SLC13A4: variants seen among roughly 807,000 people sequenced by gnomAD.
SLC13A4 encodes solute carrier family 13 member 4.
SLC13A4 carries 28 observed loss-of-function variants against 72.7 expected under a neutral mutation model. That is an observed-to-expected ratio of 0.39 (90% CI 0.29 to 0.53). The LOEUF (loss-of-function observed/expected upper bound fraction) is 0.53, where lower values mean the gene tolerates loss of function less well. SLC13A4 is among the 20% of genes least tolerant of loss of function. The probability of loss-of-function intolerance (pLI) is 0.78; values close to 1 mark genes in which losing one functional copy is unlikely to be tolerated. For synonymous variants in SLC13A4, 312 were observed against 325.5 expected, an observed-to-expected ratio of 0.96 and a Z score of 0.45; for missense variants, 653 against 788.0, an observed-to-expected ratio of 0.83 and a Z score of 2.05.
intron 1 of SLC13A4, among the ~76,000 whole-genome samples, chr7:135,724,340 C>G (rs1796606421): frequency 6.6e-6 from 1 of 151,696 alleles, no homozygotes; most frequent in African/African-American, 2.4e-5. Flanking sequence ...ATTAAAAATA[C>G]AAAAAATTCA....
At chr7:135,722,273 C>CA (rs572072157) in intron 1 of SLC13A4, among the ~76,000 whole-genome samples, 3 of 151,196 alleles carry the variant, frequency 2.0e-5, no homozygotes, top group Non-Finnish European at 2.9e-5. Flanking sequence ...AGCAAACAAA[C>CA]AAAAAAAACA....
chr7:135,703,798 TAAG>T (rs1192540883), intron 5 of SLC13A4: 1 of 152,266 alleles, frequency 6.6e-6, no homozygotes, highest in East Asian at 1.9e-4. Context: ...CAGGGAAGGA[TAAG>T]AAGCTGACAG....
At chr7:135,689,645 A>G (rs1795729764) in intron 13 of SLC13A4, among the ~76,000 whole-genome samples, 1 of 152,150 alleles carries the variant, frequency 6.6e-6, no homozygotes, top group South Asian at 2.1e-4. Flanking sequence ...GTCCCAGAGA[A>G]CAGAGCTAGA....
chr7:135,700,395 G>C (rs1178782477), intron 7 of SLC13A4, among the ~76,000 whole-genome samples: 1 of 152,084 alleles, frequency 6.6e-6, no homozygotes, highest in East Asian at 1.9e-4. Context: ...GAAAGTCCTG[G>C]TGCAATTGTC....
intron 8 of SLC13A4, among the ~76,000 whole-genome samples, chr7:135,696,413 A>C (rs1454968685): frequency 6.6e-6 from 1 of 151,780 alleles, no homozygotes; most frequent in Non-Finnish European, 1.5e-5. Flanking sequence ...CAGTGGTATG[A>C]TCTCAGCTCA....
intron 10 of SLC13A4, 24 bp from the exon 11 acceptor site, chr7:135,692,448 C>T (rs1287493778): frequency 6.6e-7 from 1 of 1,525,172 alleles, no homozygotes; most frequent in South Asian, 1.2e-5. Context: ...CAGAAAGACC[C>T]ACTCAGGAAC....
chr7:135,712,490 T>C (rs1338048267), intron 2 of SLC13A4, among the ~76,000 whole-genome samples: 1 of 144,100 alleles, frequency 6.9e-6, no homozygotes, highest in South Asian at 2.2e-4. Flanking sequence ...GGAAGGAAGG[T>C]TATGTGAGTC....
At chr7:135,687,525 C>T (rs1190562459) in intron 13 of SLC13A4, among the ~76,000 whole-genome samples, 4 of 152,228 alleles carry the variant, frequency 2.6e-5, no homozygotes, top group Non-Finnish European at 4.4e-5. Context: ...AGAATTCTCT[C>T]TGTTGTAGCC....
chr7:135,726,997 G>C (rs986229338), intron 1 of SLC13A4, among the ~76,000 whole-genome samples: 13 of 152,158 alleles, frequency 8.5e-5, no homozygotes, highest in Non-Finnish European at 1.8e-4. Flanking sequence ...AGCTCTTTCT[G>C]TGTCTCCAGG....
At chr7:135,696,958 ATT>A (rs1477442113) in intron 8 of SLC13A4, among the ~76,000 whole-genome samples, 1 of 152,044 alleles carries the variant, frequency 6.6e-6, no homozygotes, top group Non-Finnish European at 1.5e-5. Flanking sequence ...GCTGTCTGAT[ATT>A]GTTTCCTTCT....
At chr7:135,683,630 G>A (rs1299275787) in intron 15 of SLC13A4, 10 of 985,292 alleles carry the variant, frequency 1.0e-5, no homozygotes, top group Non-Finnish European at 1.1e-5. Context: ...AATGGTGGAC[G>A]CTTCATTTTC....
At chr7:135,691,699 A>T in intron 11 of SLC13A4, 54 bp from the exon 12 acceptor site, 1 of 1,260,536 alleles carries the variant, frequency 7.9e-7, no homozygotes, top group Admixed American at 1.8e-5. Context: ...TTCAGGAGTA[A>T]CATGATGTCT....
Position 135,685,686 on chromosome 7 carries a change from G to A in SLC13A4, c.1447-3C>T, listed in dbSNP as rs1469628118. 6.2e-7 allele frequency: 1 copy of A among 1,611,072 alleles called. No individual in the cohort carries two copies. The highest frequency in any genetic ancestry group is 8.5e-7 in the Non-Finnish European group (1 of 1,177,482). ...ATCCATGTAGAGAGGCCAGAGCTCT[G>A]TAGGAAGAGGTGTTACAGTAAGAAG... On this transcript the variant is annotated splice_region_variant and splice_polypyrimidine_tract_variant and intron_variant, in intron 13 of 15. Coordinates refer to ENST00000682651, the MANE Select transcript of SLC13A4 (RefSeq NM_001318192.2).
intron 3 of SLC13A4, chr7:135,707,497 G>A (rs1409176632): frequency 1.3e-5 from 2 of 152,196 alleles, no homozygotes; most frequent in African/African-American, 2.4e-5. Context: ...ATAAAATACA[G>A]CAAGAAAGTT....
intron 15 of SLC13A4, 73 bp downstream of exon 15, chr7:135,684,051 A>G (rs1795564790): frequency 6.8e-7 from 1 of 1,470,932 alleles, no homozygotes; most frequent in African/African-American, 1.4e-5. Context: ...TAAGCTTTGA[A>G]AGAAGGCTGC....
intron 2 of SLC13A4, among the ~76,000 whole-genome samples, chr7:135,714,905 C>T (rs961419290): frequency 3.9e-5 from 6 of 152,192 alleles, no homozygotes; most frequent in Non-Finnish European, 5.9e-5. Context: ...GACACCAGCC[C>T]GAGGCCTGCA....
intron 2 of SLC13A4, among the ~76,000 whole-genome samples, chr7:135,720,217 T>C (rs897551673): frequency 6.6e-6 from 1 of 152,142 alleles, no homozygotes; most frequent in Non-Finnish European, 1.5e-5. Flanking sequence ...GTGTACATAG[T>C]GCCATGAAGC....
At chr7:135,682,806 A>AT (rs1315477100) in intron 15 of SLC13A4, among the ~76,000 whole-genome samples, 1 of 152,186 alleles carries the variant, frequency 6.6e-6, no homozygotes, top group Non-Finnish European at 1.5e-5. Context: ...GCCTCTGATC[A>AT]TTTGATTCCA....
rs766881591 is a variant in SLC13A4 at position 135,695,492 on chromosome 7, A to C, written c.900-5T>G. 1.9e-6 allele frequency: 3 copies of C among 1,612,934 alleles called. No homozygotes were observed. The South Asian group carries it at 3.3e-5, about 18-fold the overall frequency. On this transcript the variant is annotated splice_polypyrimidine_tract_variant and splice_region_variant and intron_variant, in intron 8 of 15. Coordinates refer to ENST00000682651, the MANE Select transcript of SLC13A4 (RefSeq NM_001318192.2). ...ACCTCTGCGGCTGGATACTGGCTGG[A>C]GGGTAAAGAACCAGGTCAGCAATTA... is the stretch of plus-strand genomic sequence containing the variant.
Sources: gnomAD v4.1 joint callset for allele counts (sites outside exome capture counted in the v4.1 genomes callset) on GRCh38, gnomAD v4.1.1 for gene constraint, MANE v1.5 for transcripts, NCBI Gene and HGNC (gene_info 2026-07-23, HGNC 2026-07-21) for gene names.